Variants in SP6 observed in about 807,000 individuals in gnomAD.
SP6 encodes the protein Sp6 transcription factor.
A neutral mutation model predicts 23.4 loss-of-function variants in SP6; 10 were observed. That is an observed-to-expected ratio of 0.43 (90% CI 0.26 to 0.72). The LOEUF is 0.72. Among genes scored for constraint, SP6 ranks in the 30% least tolerant of loss-of-function variants. The probability of loss-of-function intolerance (pLI) is 0.23; values close to 1 mark genes in which losing one functional copy is unlikely to be tolerated. For synonymous variants in SP6, 238 were observed against 238.7 expected, an observed-to-expected ratio of 1.00 and a Z score of 0.03; for missense variants, 482 against 523.8, an observed-to-expected ratio of 0.92 and a Z score of 0.78.
the SP6 span, among the ~76,000 whole-genome samples, chr17:47,874,270 C>A: frequency 6.6e-6 from 1 of 151,848 alleles, no homozygotes; most frequent in Non-Finnish European, 1.5e-5. Context: ...AAATTTTTTT[C>A]TGTAGAGGCT....
the SP6 span, among the ~76,000 whole-genome samples, chr17:47,875,754 A>C: frequency 1.3e-5 from 2 of 151,906 alleles, 1 homozygote; most frequent in South Asian, 4.2e-4. Flanking sequence ...TTCTCTGAAA[A>C]CTTTCCAGGG....
At chr17:47,855,362 T>C (rs898248075), upstream of SP6, among the ~76,000 whole-genome samples, 5 of 152,224 alleles carry the variant, frequency 3.3e-5, no homozygotes, top group African/African-American at 1.2e-4. Context: ...AGTGAGTGTG[T>C]GTGCCCTGTA....
chr17:47,869,757 G>A, the SP6 span, among the ~76,000 whole-genome samples: 2 of 152,198 alleles, frequency 1.3e-5, no homozygotes, highest in African/African-American at 2.4e-5. Flanking sequence ...GTGCTTTGGG[G>A]TGTTGGTAAC....
upstream of SP6, among the ~76,000 whole-genome samples, chr17:47,852,735 G>A (rs2033970253): frequency 6.6e-6 from 1 of 152,088 alleles, no homozygotes; most frequent in African/African-American, 2.4e-5. Context: ...CCTCAGACAC[G>A]CACACGTTCT....
the SP6 span, among the ~76,000 whole-genome samples, chr17:47,865,397 G>C: frequency 6.6e-6 from 1 of 152,038 alleles, no homozygotes; most frequent in South Asian, 2.1e-4. Flanking sequence ...GACTGACCAG[G>C]GAAAGTGTCC....
upstream of SP6, among the ~76,000 whole-genome samples, chr17:47,860,222 T>G (rs942157156): frequency 1.3e-5 from 2 of 152,206 alleles, no homozygotes; most frequent in Non-Finnish European, 2.9e-5. Flanking sequence ...CTCTTCCCCA[T>G]TTCTCTGCCT....
At chr17:47,866,040 A>G in the SP6 span, among the ~76,000 whole-genome samples, 2 of 151,848 alleles carry the variant, frequency 1.3e-5, no homozygotes, top group African/African-American at 2.4e-5. Flanking sequence ...AGCTCTTACC[A>G]ATTTTTCATC....
At chr17:47,862,084 G>A in the SP6 span, among the ~76,000 whole-genome samples, 1 of 151,138 alleles carries the variant, frequency 6.6e-6, no homozygotes, top group African/African-American at 2.4e-5. Context: ...GGTGGCTCAT[G>A]CCTGTAATCC....
chr17:47,847,407 C>G lies in SP6; in HGVS notation c.1023G>C (p.Glu341Asp), dbSNP rs770291510. 1 of 1,613,470 alleles carries G rather than the reference C, an allele frequency of 6.2e-7. No individual in the cohort carries two copies. The highest frequency in any genetic ancestry group is 1.1e-5 in the South Asian group (1 of 91,072). The change falls in exon 2 of 2, where the codon GAG becomes GAC. Residue 341 changes from glutamate to aspartate, a missense_variant. Coordinates refer to ENST00000536300, the MANE Select transcript of SP6 (RefSeq NM_001258248.2). The part of the protein sequence containing the change: ...KHMKTHEGAK[E>D]EAAGAASGEG... The stretch of plus-strand genomic sequence containing the variant: ...CTCCCGAGGCCGCCCCAGCCGCCTC[C>G]TCCTTGGCGCCCTCGTGGGTTTTCA...
chr17:47,869,803 T>A, the SP6 span, among the ~76,000 whole-genome samples: 5 of 152,342 alleles, frequency 3.3e-5, no homozygotes, highest in East Asian at 9.6e-4. Context: ...GTTACCCAGG[T>A]ATGTTCATTT....
chr17:47,872,012 A>G, the SP6 span, among the ~76,000 whole-genome samples: 6 of 152,332 alleles, frequency 3.9e-5, no homozygotes, highest in Middle Eastern at 3.4e-3. Context: ...CTCAGGCCCA[A>G]TCTATTTCTC....
the SP6 span, among the ~76,000 whole-genome samples, chr17:47,865,395 A>G: frequency 7.2e-5 from 11 of 152,022 alleles, no homozygotes; most frequent in African/African-American, 2.7e-4. Context: ...CCGACTGACC[A>G]GGGAAAGTGT....
At chr17:47,864,233 C>T in the SP6 span, among the ~76,000 whole-genome samples, 1 of 151,266 alleles carries the variant, frequency 6.6e-6, no homozygotes, top group Non-Finnish European at 1.5e-5. Context: ...GTCTTTGAGT[C>T]TTTTTTCCTT....
At chr17:47,858,440 G>A (rs1182728410), upstream of SP6, among the ~76,000 whole-genome samples, 2 of 152,116 alleles carry the variant, frequency 1.3e-5, no homozygotes, top group South Asian at 2.1e-4. Flanking sequence ...TACTGGATTC[G>A]CTTAGGCTGC....
At chr17:47,876,311 G>C in the SP6 span, among the ~76,000 whole-genome samples, 5 of 152,248 alleles carry the variant, frequency 3.3e-5, no homozygotes, top group Admixed American at 2.0e-4. Context: ...GTGAACAAGA[G>C]TGGCTGGCTT....
In SP6 at chr17:47,848,001, G is replaced by A. The variant is rs1310560548; in HGVS notation, c.429C>T (p.Gly143=). 6.2e-7 allele frequency: 1 copy of A among 1,603,138 alleles called. No homozygotes were observed. The highest frequency in any genetic ancestry group is 2.3e-5 in the East Asian group (1 of 44,338). The change falls in exon 2 of 2, where the codon GGC becomes GGT. Residue 143 remains glycine, a synonymous_variant. Coordinates refer to ENST00000536300, the MANE Select transcript of SP6 (RefSeq NM_001258248.2). This position sits in a 1 kb window ranked among gnomAD's most constrained non-coding sequence, Gnocchi z 5.3. ...PHTQGALTSP[G]HPGALQAGLG... ...AGCCCGCCTGAAGCGCCCCCGGGTG[G>A]CCAGGTGAGGTCAGCGCGCCCTGAG...
the SP6 span, among the ~76,000 whole-genome samples, chr17:47,866,679 C>G: frequency 2.0e-5 from 3 of 152,152 alleles, no homozygotes; most frequent in Admixed American, 1.3e-4. Context: ...TCGCCTTGCC[C>G]ACCCATCTTC....
chr17:47,864,001 CTTT>C, the SP6 span, among the ~76,000 whole-genome samples: 1 of 101,560 alleles, frequency 9.8e-6, no homozygotes, highest in Non-Finnish European at 2.0e-5. Context: ...CCGCGCCTGG[CTTT>C]TTTTTTTTTT....
At position 47,848,100 on chromosome 17, in the gene SP6, C is replaced by T. The variant is rs769192100; in HGVS notation, c.330G>A (p.Pro110=). ...AGCCATCCTCCGCGCCTGGGTGAGT[C>T]GGCCTGAACCACGATTCATAATGGT... ...MSHHYESWFR[P]THPGAEDGSW... The change falls in exon 2 of 2, where the codon CCG becomes CCA. Residue 110 remains proline (P), a synonymous_variant. Coordinates refer to ENST00000536300, the MANE Select transcript of SP6 (RefSeq NM_001258248.2). This position sits in a 1 kb window ranked among gnomAD's most constrained non-coding sequence, Gnocchi z 5.3. The T allele has an allele frequency of 1.2e-5, 20 of 1,613,490 alleles. No homozygotes were observed. The highest frequency in any genetic ancestry group is 1.7e-5 in the Admixed American group (1 of 60,008).
Sources: allele counts gnomAD v4.1 joint callset (sites outside exome capture counted in the v4.1 genomes callset), GRCh38; gene constraint gnomAD v4.1.1; non-coding constraint Gnocchi (gnomAD v3.1); transcripts MANE v1.5; gene names NCBI Gene and HGNC (gene_info 2026-07-23, HGNC 2026-07-21).